ZNF507: variants seen among roughly 807,000 people sequenced by gnomAD.
ZNF507 encodes the protein zinc finger protein 507.
In ZNF507, 29 loss-of-function variants were observed where a neutral mutation model predicts 80.0. That is an observed-to-expected ratio of 0.36 (90% confidence interval 0.27 to 0.49). The LOEUF (loss-of-function observed/expected upper bound fraction) is 0.49. ZNF507 is among the 20% of genes least tolerant of loss of function. The pLI, the probability that ZNF507 is intolerant of heterozygous loss-of-function variation, is 0.98. For missense variants in ZNF507, 1,081 were observed against 1,152.2 expected (o/e 0.94, Z 0.90); for synonymous variants, 462 against 422.5 (o/e 1.09, Z -1.15).
Position 32,356,712 on chromosome 19 carries a change from G to C in ZNF507, c.2224G>C (p.Asp742His). 6.2e-7 allele frequency: 1 copy of C among 1,613,824 alleles called. No individual in the cohort carries two copies. The highest frequency in any genetic ancestry group is 8.5e-7 in the Non-Finnish European group (1 of 1,179,720). ...NEPRISSDTA[D>H]GKCVQEGNKS... Reference sequence around the variant, plus strand: ...GCCAAGAATTTCCAGTGATACAGCTGATGGAAAATGTGTCCAGGAAGGTAT... The same window carrying C: ...GCCAAGAATTTCCAGTGATACAGCTCATGGAAAATGTGTCCAGGAAGGTAT... Residue 742 changes from aspartate to histidine, a missense_variant, in exon 4 of 7, where the codon GAT becomes CAT. This residue lies in a region of ZNF507 where 614 missense variants were observed against 583.9 expected (regional missense o/e 1.05). Transcript: ENST00000355898.
chr19:32,359,352 G>T (rs1967291412), intron 4 of ZNF507: 2 of 152,174 alleles, frequency 1.3e-5, no homozygotes, highest in South Asian at 4.1e-4. Flanking sequence ...AAATTTCAGT[G>T]TGGGTTTTCC....
Position 32,382,731 on chromosome 19 carries a change from C to T in ZNF507, c.2510C>T (p.Ser837Phe), listed in dbSNP as rs555448404. ...ISQSGRVLGKSPGKTQLKSSE... is the reference protein window; with the variant it reads ...ISQSGRVLGKFPGKTQLKSSE... ...TTGTTTTTAAGAGTTCTGGGGAAAT[C>T]CCCTGGAAAGACTCAATTAAAGAGC... The change falls in exon 7 of 7, where the codon TCC (serine) becomes TTC (phenylalanine). Residue 837 changes from serine (S) to phenylalanine (F), a missense_variant. Physicochemically the swap from Ser to Phe is radical, Grantham distance 155. This residue lies in a region of ZNF507 where 138 missense variants were observed against 158.4 expected (regional missense o/e 0.87). Transcript: ENST00000355898. The T allele has an allele frequency of 1.9e-6, 3 of 1,612,220 alleles. No homozygotes were observed. Among genetic ancestry groups the T allele is most frequent in the Admixed American group, 1.7e-5 (1 of 59,828 alleles).
At chr19:32,382,437 C>T (rs780314323) in intron 5 of ZNF507, 30 bp from the exon 6 acceptor site, 1 of 1,609,750 alleles carries the variant, frequency 6.2e-7, no homozygotes, top group Admixed American at 1.7e-5. Context: ...TGGGACCGTT[C>T]TGATTTTCCC....
chr19:32,350,136 GAA>G (rs937835777), intron 2 of ZNF507, among the ~76,000 whole-genome samples: 5 of 149,794 alleles, frequency 3.3e-5, no homozygotes, highest in African/African-American at 1.2e-4. Context: ...TGTGAAAATT[GAA>G]AGAGTTGGCC....
At chr19:32,361,999 A>C (rs1407256463) in intron 5 of ZNF507, among the ~76,000 whole-genome samples, 1 of 150,410 alleles carries the variant, frequency 6.6e-6, no homozygotes, top group Admixed American at 6.7e-5. Flanking sequence ...CCTCACGGCA[A>C]CCTCCGCCTC....
chr19:32,356,480 C>G, intron 3 of ZNF507, 136 bp from the exon 4 acceptor site: 1 of 610,874 alleles, frequency 1.6e-6, no homozygotes, highest in Admixed American at 2.9e-5. Flanking sequence ...TCAAATGATC[C>G]TTTAGCAGAC....
intron 5 of ZNF507, among the ~76,000 whole-genome samples, chr19:32,364,225 C>T (rs2145328357): frequency 6.6e-6 from 1 of 152,292 alleles, no homozygotes; most frequent in Non-Finnish European, 1.5e-5. Flanking sequence ...ATTAAAATGA[C>T]ATCATTCTAT....
intron 5 of ZNF507, chr19:32,382,256 G>C: frequency 2.2e-6 from 1 of 451,158 alleles, no homozygotes; most frequent in Non-Finnish European, 3.9e-6. Context: ...TAATATAAAA[G>C]ACCTTCTTTC....
intron 4 of ZNF507, chr19:32,359,365 T>C (rs1423108999): frequency 2.0e-5 from 3 of 152,224 alleles, no homozygotes; most frequent in Admixed American, 1.3e-4. Flanking sequence ...GGTTTTCCTT[T>C]GTATAATACC....
chr19:32,363,044 C>T (rs1221793849), intron 5 of ZNF507, among the ~76,000 whole-genome samples: 1 of 152,196 alleles, frequency 6.6e-6, no homozygotes, highest in Non-Finnish European at 1.5e-5. Context: ...ACTTTCTCCT[C>T]GTTGTCCTAT....
At position 32,385,983 on chromosome 19, in the gene ZNF507, A is replaced by G. The variant is rs1343455900; in HGVS notation, c.*2900A>G. ...GAAAATAGCTTTGAAAAGAAACTAC[A>G]TATGGCAAAGGTGGGGAGGGGGGAA... On this transcript the variant is annotated 3_prime_UTR_variant, in exon 7 of 7. Transcript: ENST00000355898. 1.3e-5 allele frequency: 2 copies of G among 152,252 alleles called. No individual in the cohort carries two copies. The highest frequency in any genetic ancestry group is 2.4e-5 in the African/African-American group (1 of 41,462). The allele number at this position is 152,252 out of a possible 1,614,324, so 9.4% of individuals were successfully genotyped here.
intron 5 of ZNF507, chr19:32,380,693 G>T (rs1488471130): frequency 4.3e-6 from 6 of 1,385,994 alleles, no homozygotes; most frequent in Non-Finnish European, 5.9e-6. Flanking sequence ...AAGTGCATTT[G>T]CAGTTTCCTA....
At chr19:32,348,719 T>A (rs980433110) in intron 2 of ZNF507, among the ~76,000 whole-genome samples, 1 of 152,242 alleles carries the variant, frequency 6.6e-6, no homozygotes, top group African/African-American at 2.4e-5. Flanking sequence ...ATATTTAATG[T>A]TGTTATGTCT....
At position 32,384,264 on chromosome 19, in the gene ZNF507, A is replaced by G. The variant is rs532935751; in HGVS notation, c.*1181A>G. The stretch of plus-strand genomic sequence containing the variant: ...AAATTCTATTTTGTTAGAGTGCGAT[A>G]GGACATATGGAAAACCAACACAAAG... On this transcript the variant is annotated 3_prime_UTR_variant, in exon 7 of 7. Transcript: ENST00000355898. The G allele has an allele frequency of 5.9e-5, 9 of 152,250 alleles. No individual in the cohort carries two copies. The highest frequency in any genetic ancestry group is 7.3e-5 in the Non-Finnish European group (5 of 68,042). The allele number at this position is 152,250 out of a possible 1,614,324, so 9.4% of individuals were successfully genotyped here.
intron 5 of ZNF507, among the ~76,000 whole-genome samples, chr19:32,371,747 C>T (rs1193704297): frequency 1.3e-5 from 2 of 150,536 alleles, no homozygotes; most frequent in Non-Finnish European, 2.9e-5. Flanking sequence ...TCACGCCATT[C>T]TCCTGCCTCA....
rs760670719 is a variant in ZNF507 at position 32,354,875 on chromosome 19, A to G, written c.2045A>G (p.Lys682Arg). Reference protein sequence around the residue: ...PICEHIADNSKDLESHMIHHC... With the variant: ...PICEHIADNSRDLESHMIHHC... ...TGCGAGCACATAGCGGACAACAGCAAAGATTTGGAGAGTCACATGATCCAC... is the reference window on the plus strand; with the variant it reads ...TGCGAGCACATAGCGGACAACAGCAGAGATTTGGAGAGTCACATGATCCAC... Residue 682 changes from lysine to arginine, a missense_variant, in exon 3 of 7, where the codon AAA (lysine) becomes AGA (arginine). Lys to Arg is a conservative substitution (Grantham distance 26, BLOSUM62 2). This residue lies in a region of ZNF507 where 614 missense variants were observed against 583.9 expected (regional missense o/e 1.05). Transcript: ENST00000355898. 16 of 1,614,052 alleles carry G rather than the reference A, an allele frequency of 9.9e-6. No homozygotes were observed. The Admixed American group carries it at 2.3e-4, about 24-fold the overall frequency.
chr19:32,351,027 C>T (rs1010933576), intron 2 of ZNF507, among the ~76,000 whole-genome samples: 5 of 152,126 alleles, frequency 3.3e-5, no homozygotes, highest in Middle Eastern at 3.2e-3. Context: ...TACAGCTGAG[C>T]GTAGAGATCT....
At chr19:32,363,044 CGTT>C in intron 5 of ZNF507, among the ~76,000 whole-genome samples, 1 of 152,314 alleles carries the variant, frequency 6.6e-6, no homozygotes, top group Admixed American at 6.5e-5. Context: ...ACTTTCTCCT[CGTT>C]GTCCTATACT....
chr19:32,376,443 A>G (rs1199033208), intron 5 of ZNF507, among the ~76,000 whole-genome samples: 1 of 152,202 alleles, frequency 6.6e-6, no homozygotes, highest in Non-Finnish European at 1.5e-5. Context: ...GGAATATGCA[A>G]AGTGATCCTG....
Sources: allele counts gnomAD v4.1 joint callset (sites outside exome capture counted in the v4.1 genomes callset), GRCh38; gene constraint gnomAD v4.1.1; regional missense constraint gnomAD v4.1.1; transcripts MANE v1.5; gene names NCBI Gene and HGNC (gene_info 2026-07-23, HGNC 2026-07-21).